Variants in PTPRD observed in about 807,000 individuals in gnomAD.
PTPRD encodes receptor-type tyrosine-protein phosphatase delta.
PTPRD carries 34 observed loss-of-function variants against 214.5 expected under a neutral mutation model. That is an observed-to-expected ratio of 0.16 (90% CI 0.12 to 0.21). PTPRD has a LOEUF of 0.21. PTPRD is among the 10% of genes least tolerant of loss of function. The pLI is 1.00. For missense variants in PTPRD, 2,545 were observed against 2,398.7 expected, an observed-to-expected ratio of 1.06 and a Z score of -1.27; for synonymous variants, 1,128 against 845.7, an observed-to-expected ratio of 1.33 and a Z score of -5.79.
At chr9:9,802,662 T>A (rs917671046) in intron 5 of PTPRD, among the ~76,000 whole-genome samples, 2 of 150,680 alleles carry the variant, frequency 1.3e-5, no homozygotes, top group African/African-American at 4.9e-5. Flanking sequence ...TTAAAAAAAA[T>A]TCAACTCTCC....
chr9:10,197,789 G>A (rs898912544), intron 3 of PTPRD, among the ~76,000 whole-genome samples: 5 of 152,024 alleles, frequency 3.3e-5, no homozygotes, highest in African/African-American at 4.8e-5. Flanking sequence ...GCCATGGGAG[G>A]GATGGGTCTG....
chr9:9,652,873 G>T (rs1344451698), intron 7 of PTPRD, among the ~76,000 whole-genome samples: 2 of 151,920 alleles, frequency 1.3e-5, no homozygotes. Context: ...CTCAGCCTTT[G>T]AAAGTGCTGG....
intron 2 of PTPRD, among the ~76,000 whole-genome samples, chr9:10,395,099 T>A (rs950235315): frequency 3.3e-5 from 5 of 151,148 alleles, no homozygotes; most frequent in African/African-American, 1.2e-4. Flanking sequence ...AGGCTTTCTT[T>A]TTATTATTAT....
intron 5 of PTPRD, among the ~76,000 whole-genome samples, chr9:9,898,525 AG>A (rs1413522381): frequency 6.6e-6 from 1 of 152,078 alleles, no homozygotes; most frequent in African/African-American, 2.4e-5. Flanking sequence ...TTTCATATGA[AG>A]CTCTAGATTA....
rs528839240 is a variant in PTPRD, at chr9:10,400,384, A to C, written c.-599-59367T>G. The stretch of plus-strand genomic sequence containing the variant: ...GACAAGTACTTTAAATTTTAAAATA[A>C]ATACATTTTTTCATGTAATTAGTTG... On this transcript the variant is annotated intron_variant, in intron 2 of 45. Coordinates refer to ENST00000381196, the MANE Select transcript of PTPRD (RefSeq NM_002839.4). Among the ~76,000 whole-genome samples, 3 of 151,866 alleles carry C rather than the reference A, an allele frequency of 2.0e-5. No individual in the cohort carries two copies. In the South Asian group the frequency reaches 6.2e-4, roughly 31 times the overall value.
At chr9:10,444,697 T>C (rs573947216) in intron 2 of PTPRD, among the ~76,000 whole-genome samples, 1 of 148,836 alleles carries the variant, frequency 6.7e-6, no homozygotes, top group Admixed American at 6.7e-5. Context: ...CCATGAGATA[T>C]AACAAAGACA....
chr9:9,901,658 A>G (rs1468365121), intron 5 of PTPRD, among the ~76,000 whole-genome samples: 1 of 152,142 alleles, frequency 6.6e-6, no homozygotes, highest in Non-Finnish European at 1.5e-5. Context: ...TGGTGAGTTG[A>G]TTATATTAGT....
chr9:8,667,472 T>G (rs1486946210), intron 12 of PTPRD, among the ~76,000 whole-genome samples: 1 of 152,212 alleles, frequency 6.6e-6, no homozygotes, highest in Middle Eastern at 3.2e-3. Flanking sequence ...CCAAAATGTT[T>G]CAAAATCCAA....
At chr9:8,636,570 A>G (rs1595788539) in intron 13 of PTPRD, 129 bp downstream of exon 13, 1 of 1,163,188 alleles carries the variant, frequency 8.6e-7, no homozygotes, top group African/African-American at 1.5e-5. Flanking sequence ...ATTTTCCATC[A>G]CTTGCAATGT....
chr9:8,843,016 A>T (rs1266026728), intron 11 of PTPRD, among the ~76,000 whole-genome samples: 1 of 152,112 alleles, frequency 6.6e-6, no homozygotes, highest in Non-Finnish European at 1.5e-5. Flanking sequence ...ACAGCATCCT[A>T]TTTAGATGTT....
chr9:9,513,327 C>T (rs2096754520), intron 8 of PTPRD, among the ~76,000 whole-genome samples: 1 of 151,872 alleles, frequency 6.6e-6, no homozygotes, highest in South Asian at 2.1e-4. Flanking sequence ...CTTTGCCCTT[C>T]TTTTTATTCC....
At chr9:9,253,510 A>T (rs2099976325) in intron 9 of PTPRD, among the ~76,000 whole-genome samples, 1 of 152,028 alleles carries the variant, frequency 6.6e-6, no homozygotes, top group South Asian at 2.1e-4. Flanking sequence ...TTTGAAAAAA[A>T]AAATATGTAT....
At chr9:9,571,391 A>G (rs1591857321) in intron 8 of PTPRD, among the ~76,000 whole-genome samples, 1 of 151,388 alleles carries the variant, frequency 6.6e-6, no homozygotes, top group African/African-American at 2.4e-5. Context: ...AGTATTCTGT[A>G]GTTAATACTT....
At chr9:8,712,867 C>T (rs1181030510) in intron 12 of PTPRD, among the ~76,000 whole-genome samples, 1 of 152,014 alleles carries the variant, frequency 6.6e-6, no homozygotes, top group Non-Finnish European at 1.5e-5. Context: ...CACAGGCACC[C>T]GCCACCACGC....
At chr9:9,235,740 A>G (rs1285193492) in intron 9 of PTPRD, among the ~76,000 whole-genome samples, 1 of 152,180 alleles carries the variant, frequency 6.6e-6, no homozygotes, top group Non-Finnish European at 1.5e-5. Flanking sequence ...CTGCCTCCAG[A>G]ATCTTGTCAA....
intron 11 of PTPRD, among the ~76,000 whole-genome samples, chr9:8,804,218 G>A (rs1002144204): frequency 6.6e-6 from 1 of 152,106 alleles, no homozygotes; most frequent in Non-Finnish European, 1.5e-5. Flanking sequence ...CTCCCAAAGT[G>A]CAGGAATTAC....
intron 3 of PTPRD, among the ~76,000 whole-genome samples, chr9:10,194,387 G>C (rs1405005920): frequency 1.0e-4 from 9 of 88,794 alleles, no homozygotes; most frequent in African/African-American, 3.7e-4. Context: ...GAGAGAGAGA[G>C]AGAGAGAGAG....
At chr9:9,696,641 A>G (rs1485028126) in intron 7 of PTPRD, among the ~76,000 whole-genome samples, 1 of 151,924 alleles carries the variant, frequency 6.6e-6, no homozygotes, top group Non-Finnish European at 1.5e-5. Context: ...TTTTGTTTCC[A>G]TTTGCATAAA....
intron 4 of PTPRD, among the ~76,000 whole-genome samples, chr9:9,952,392 G>T (rs12347391): frequency 0.038 from 5,845 of 152,196 alleles, 136 homozygotes; most frequent in Non-Finnish European, 0.056. Flanking sequence ...GGCATTTTTG[G>T]CAACAACCGG....
Sources: allele counts gnomAD v4.1 joint callset (sites outside exome capture counted in the v4.1 genomes callset), GRCh38; gene constraint gnomAD v4.1.1; transcripts MANE v1.5; gene names NCBI Gene and HGNC (gene_info 2026-07-23, HGNC 2026-07-21).